BSN: variants seen among roughly 807,000 people sequenced by gnomAD.
The protein encoded by BSN is bassoon presynaptic cytomatrix protein.
A neutral mutation model predicts 264.8 loss-of-function variants in BSN; 57 were observed. The observed-to-expected ratio is 0.22, with a 90% CI of 0.17 to 0.27. BSN has a LOEUF of 0.27. Ranked by LOEUF, BSN falls within the 10% of genes least tolerant of loss-of-function variation. The pLI, the probability that BSN is intolerant of heterozygous loss-of-function variation, is 1.00. For missense variants in BSN, 4,615 were observed against 5,232.5 expected (o/e 0.88, Z 3.64); for synonymous variants, 2,059 against 2,137.3 (o/e 0.96, Z 1.01).
chr3:49,591,156 T>G (rs2051974009), intron 1 of BSN, among the ~76,000 whole-genome samples: 1 of 152,194 alleles, frequency 6.6e-6, no homozygotes, highest in Non-Finnish European at 1.5e-5. Context: ...TCGGCCCTCT[T>G]ATTTACCATT....
intron 1 of BSN, among the ~76,000 whole-genome samples, chr3:49,609,592 G>A (rs1356984260): frequency 6.6e-6 from 1 of 152,130 alleles, no homozygotes; most frequent in African/African-American, 2.4e-5. Context: ...TCCAGGGTCG[G>A]GTGGTAACCC....
chr3:49,655,756 T>C lies in BSN; in HGVS notation c.6200T>C (p.Ile2067Thr). ...PMRRYSSVSN[I>T]YSDHRYGPRG... ...CGGCGCTATAGCTCAGTGTCGAACATCTACTCAGACCACAGGTACGGCCCA... is the reference window on the plus strand; with the variant it reads ...CGGCGCTATAGCTCAGTGTCGAACACCTACTCAGACCACAGGTACGGCCCA... The change falls in exon 5 of 12, where the codon ATC (isoleucine) becomes ACC (threonine). Residue 2067 changes from isoleucine to threonine, a missense_variant. Around this residue, in one of 3 missense-constraint regions of BSN, gnomAD observed 3,415 missense variants for 3,866.4 expected, o/e 0.88. Transcript: ENST00000296452. 6.2e-7 allele frequency: 1 copy of C among 1,613,472 alleles called. No homozygotes were observed. The highest frequency in any genetic ancestry group is 1.1e-5 in the South Asian group (1 of 91,092).
Position 49,663,109 on chromosome 3 carries a change from G to A in BSN, c.10951G>A (p.Gly3651Arg), listed in dbSNP as rs778439263. Reference protein sequence around the residue: ...SAKEHRHGDHGRHSGRHTGEE... With the variant: ...SAKEHRHGDHRRHSGRHTGEE... ...CAAGGAACACCGGCACGGTGACCAC[G>A]GGCGGCACTCAGGCCGCCACACTGG... The change falls in exon 7 of 12, where the codon GGG (glycine) becomes AGG (arginine). Residue 3651 changes from glycine to arginine, a missense_variant. Gly to Arg is a moderately radical substitution (Grantham distance 125). This residue lies in a region of BSN where 3,415 missense variants were observed against 3,866.4 expected (regional missense o/e 0.88). Transcript: ENST00000296452. 1.9e-6 allele frequency: 3 copies of A among 1,611,626 alleles called. No homozygotes were observed. The highest frequency in any genetic ancestry group is 2.2e-5 in the East Asian group (1 of 44,848).
chr3:49,639,475 G>A (rs1455910378), intron 2 of BSN, among the ~76,000 whole-genome samples: 1 of 152,182 alleles, frequency 6.6e-6, no homozygotes, highest in Non-Finnish European at 1.5e-5. Flanking sequence ...TGGGATTACA[G>A]GCGTGAGCCA....
In BSN at chr3:49,656,187, C is replaced by G; in HGVS notation, c.6631C>G (p.Gln2211Glu). Residue 2211 changes from glutamine to glutamate, a missense_variant, in exon 5 of 12, where the codon CAG (glutamine) becomes GAG (glutamate). Around this residue, in one of 3 missense-constraint regions of BSN, gnomAD observed 3,415 missense variants for 3,866.4 expected, o/e 0.88. Transcript: ENST00000296452. ...TGCTGCAACACTGCCCATCACCACC[C>G]AGCCTGCCTCAGTCCTGCGGCCCAT... is the stretch of plus-strand genomic sequence containing the variant. ...PIAATLPITTQPASVLRPMVR... is the reference protein window; with the variant it reads ...PIAATLPITTEPASVLRPMVR... 1.2e-6 allele frequency: 2 copies of G among 1,611,982 alleles called. No individual in the cohort carries two copies. Among genetic ancestry groups the G allele is most frequent in the Non-Finnish European group, 1.7e-6 (2 of 1,179,256 alleles).
rs973650119 is a variant in BSN at position 49,664,642 on chromosome 3, G to C, written c.11740+88G>C. 7.8e-6 allele frequency: 12 copies of C among 1,546,196 alleles called. No homozygotes were observed. The African/African-American group carries it at 1.5e-4, about 19-fold the overall frequency. Reference sequence around the variant, plus strand: ...GATGATTCCAGACTCAGTCACCCAGGCAGAGGCCAGCCAGAGAGCCCACCT... The same window carrying C: ...GATGATTCCAGACTCAGTCACCCAGCCAGAGGCCAGCCAGAGAGCCCACCT... On this transcript the variant is annotated intron_variant, in intron 9 of 11. Transcript: ENST00000296452.
Position 49,656,118 on chromosome 3 carries a change from C to T in BSN, c.6562C>T (p.Arg2188Cys), listed in dbSNP as rs770438740. ...RQLLPSTATV[R>C]AADGMIYSTI... ...GCTGCTGCCGTCCACAGCCACTGTA[C>T]GTGCAGCTGATGGCATGATCTACTC... Residue 2188 changes from arginine to cysteine, a missense_variant, in exon 5 of 12, where the codon CGT (arginine) becomes TGT (cysteine). Physicochemically the swap from Arg to Cys is radical, Grantham distance 180 (BLOSUM62 -3). Transcript: ENST00000296452. 2.5e-6 allele frequency: 4 copies of T among 1,612,818 alleles called. No homozygotes were observed. Among genetic ancestry groups the T allele is most frequent in the East Asian group, 2.2e-5 (1 of 44,886 alleles).
At chr3:49,611,700 C>G (rs1055781734) in intron 1 of BSN, among the ~76,000 whole-genome samples, 2 of 152,214 alleles carry the variant, frequency 1.3e-5, no homozygotes, top group Non-Finnish European at 2.9e-5. Context: ...AAAAAGTGCC[C>G]CAGTCACTGT....
Position 49,652,246 on chromosome 3 carries a change from T to G in BSN, c.2690T>G (p.Leu897Arg). 6.2e-7 allele frequency: 1 copy of G among 1,604,654 alleles called. No homozygotes were observed. Among genetic ancestry groups the G allele is most frequent in the Non-Finnish European group, 8.5e-7 (1 of 1,174,706 alleles). Residue 897 changes from leucine (L) to arginine (R), a missense_variant, in exon 5 of 12, where the codon CTG (leucine) becomes CGG (arginine). Leu to Arg is a moderately radical substitution (Grantham distance 102). Transcript: ENST00000296452. ...CCAGCAGCACTGCCCAAGAGGCGCC[T>G]GCCCCACAATGCCACCACGGGCTAT... ...QEPAALPKRRLPHNATTGYEE... is the reference protein window; with the variant it reads ...QEPAALPKRRRPHNATTGYEE...
At chr3:49,644,271 A>G (rs6446286) in intron 3 of BSN, among the ~76,000 whole-genome samples, 124,602 of 152,194 alleles carry the variant, frequency 0.82, 51,368 homozygotes, top group East Asian at 0.99. Context: ...TGATGGTGGC[A>G]CAGGGGTGTG....
At chr3:49,622,886 C>T (rs866872736) in intron 1 of BSN, among the ~76,000 whole-genome samples, 1 of 152,200 alleles carries the variant, frequency 6.6e-6, no homozygotes, top group Non-Finnish European at 1.5e-5. Context: ...TGGACTCAAA[C>T]TCTGGTTGTC....
At chr3:49,613,930 G>A (rs904477716) in intron 1 of BSN, among the ~76,000 whole-genome samples, 4 of 151,588 alleles carry the variant, frequency 2.6e-5, no homozygotes, top group African/African-American at 4.8e-5. Flanking sequence ...AATTCCCTAA[G>A]ACATACATGG....
At chr3:49,622,551 C>T (rs2052314340) in intron 1 of BSN, among the ~76,000 whole-genome samples, 1 of 152,158 alleles carries the variant, frequency 6.6e-6, no homozygotes, top group South Asian at 2.1e-4. Flanking sequence ...ACTTATTGGG[C>T]AACACAAATA....
chr3:49,605,326 T>TA, intron 1 of BSN, among the ~76,000 whole-genome samples: 3 of 93,908 alleles, frequency 3.2e-5, no homozygotes, highest in Admixed American at 1.9e-4. Context: ...TATATATATA[T>TA]TTATAAATAT....
chr3:49,582,150 C>A (rs1329793591), intron 1 of BSN, among the ~76,000 whole-genome samples: 1 of 152,184 alleles, frequency 6.6e-6, no homozygotes, highest in Non-Finnish European at 1.5e-5. Context: ...TCCTTGTCAA[C>A]ACTTGTTATT....
At chr3:49,607,717 C>T (rs1004679442) in intron 1 of BSN, among the ~76,000 whole-genome samples, 4 of 152,208 alleles carry the variant, frequency 2.6e-5, no homozygotes, top group African/African-American at 9.7e-5. Flanking sequence ...TTAATGCTCT[C>T]AATGTGTGAA....
At position 49,585,603 on chromosome 3, in the gene BSN, C is replaced by T. The variant is rs1335782783; in HGVS notation, c.224+30777C>T. ...AGTTAAATCTTGGAGGATTTGTCCA[C>T]ACCCCTCACGTTTCTTCAGCCGCCC... On this transcript the variant is annotated intron_variant, in intron 1 of 11. Transcript: ENST00000296452. The surrounding 1 kb of genome is among the most constrained non-coding windows in gnomAD (Gnocchi z 4.7). 1.3e-5 allele frequency among the ~76,000 whole-genome samples: 2 copies of T among 152,242 alleles called. No homozygotes were observed. Among genetic ancestry groups the T allele is most frequent in the African/African-American group, 4.8e-5 (2 of 41,470 alleles).
intron 1 of BSN, among the ~76,000 whole-genome samples, chr3:49,603,334 A>G (rs137986291): frequency 1.3e-5 from 2 of 152,268 alleles, no homozygotes; most frequent in South Asian, 2.1e-4. Context: ...TGTTCCTCCT[A>G]TGGGGCCAGT....
At chr3:49,605,349 AAT>A (rs1443866645) in intron 1 of BSN, among the ~76,000 whole-genome samples, 1 of 84,614 alleles carries the variant, frequency 1.2e-5, no homozygotes, top group Non-Finnish European at 2.2e-5. Flanking sequence ...ATAATATATA[AAT>A]ATATATTTAT....
Sources: gnomAD v4.1 joint callset for allele counts (sites outside exome capture counted in the v4.1 genomes callset) on GRCh38, gnomAD v4.1.1 for gene constraint, gnomAD v4.1.1 regional missense constraint, Gnocchi (gnomAD v3.1) non-coding constraint, MANE v1.5 for transcripts, NCBI Gene and HGNC (gene_info 2026-07-23, HGNC 2026-07-21) for gene names.